The following TAF2 variants were observed in gnomAD, a reference collection of about 807,000 sequenced individuals.
TAF2 encodes the protein transcription initiation factor TFIID subunit 2.
TAF2 carries 61 observed loss-of-function variants against 138.5 expected under a neutral mutation model. The ratio of observed to expected loss-of-function variants is 0.44; its 90% CI spans 0.36 to 0.54. TAF2 has a LOEUF of 0.54. Among genes scored for constraint, TAF2 ranks in the 20% least tolerant of loss-of-function variants. The probability of loss-of-function intolerance (pLI) is 0.00; values close to 1 mark genes in which losing one functional copy is unlikely to be tolerated. For missense variants in TAF2, 1,090 were observed against 1,427.9 expected, an observed-to-expected ratio of 0.76 and a Z score of 3.81; for synonymous variants, 475 against 469.9, an observed-to-expected ratio of 1.01 and a Z score of -0.14.
At chr8:119,778,808 C>A (rs1398266429) in intron 17 of TAF2, among the ~76,000 whole-genome samples, 1 of 152,156 alleles carries the variant, frequency 6.6e-6, no homozygotes, top group African/African-American at 2.4e-5. Flanking sequence ...ACATGACTTA[C>A]ACACACTGGT....
At chr8:119,744,565 T>C (rs887120379) in intron 23 of TAF2, 172 bp from the exon 24 acceptor site, 4 of 636,844 alleles carry the variant, frequency 6.3e-6, no homozygotes, top group South Asian at 3.7e-5. Context: ...AAAGATTATG[T>C]GGTCCAGCCT....
chr8:119,815,367 T>C (rs1463559278), intron 3 of TAF2, among the ~76,000 whole-genome samples: 4 of 151,170 alleles, frequency 2.6e-5, no homozygotes, highest in African/African-American at 9.7e-5. Flanking sequence ...CTCCACCTCC[T>C]GGATTCACGC....
chr8:119,807,782 C>T (rs1009009094), intron 3 of TAF2, among the ~76,000 whole-genome samples: 2 of 151,970 alleles, frequency 1.3e-5, no homozygotes, highest in South Asian at 2.1e-4. Context: ...ATTAGCCAGG[C>T]GTGGTGGTGC....
intron 22 of TAF2, among the ~76,000 whole-genome samples, chr8:119,749,405 A>G (rs1820196836): frequency 6.6e-6 from 1 of 152,332 alleles, no homozygotes; most frequent in Non-Finnish European, 1.5e-5. Flanking sequence ...CAAGGGAGCT[A>G]AAAAATGAAT....
intron 18 of TAF2, among the ~76,000 whole-genome samples, chr8:119,771,055 A>G (rs886955881): frequency 6.6e-6 from 1 of 152,112 alleles, no homozygotes; most frequent in Non-Finnish European, 1.5e-5. Context: ...TGGGCGACAG[A>G]GCGAGACTCC....
chr8:119,806,678 G>A (rs1824680309), intron 3 of TAF2, among the ~76,000 whole-genome samples: 1 of 151,924 alleles, frequency 6.6e-6, no homozygotes, highest in Admixed American at 6.6e-5. Flanking sequence ...ATGTTGGTCA[G>A]GCTGGTCTCG....
intron 2 of TAF2, among the ~76,000 whole-genome samples, chr8:119,825,828 G>A (rs1381380028): frequency 2.0e-5 from 3 of 151,014 alleles, no homozygotes; most frequent in Non-Finnish European, 4.4e-5. Flanking sequence ...GGGACTACAG[G>A]TGCCCACCGC....
At chr8:119,807,722 A>G (rs1824762247) in intron 3 of TAF2, among the ~76,000 whole-genome samples, 1 of 152,202 alleles carries the variant, frequency 6.6e-6, no homozygotes, top group South Asian at 2.1e-4. Flanking sequence ...CCAGGAGTTC[A>G]AGTCCAGCCT....
chr8:119,821,860 G>T (rs1179976662), intron 2 of TAF2, among the ~76,000 whole-genome samples: 3 of 152,062 alleles, frequency 2.0e-5, no homozygotes, highest in African/African-American at 7.2e-5. Flanking sequence ...AACATAGCAA[G>T]ACCCTATCTG....
At chr8:119,752,021 G>A (rs1199387198) in intron 22 of TAF2, among the ~76,000 whole-genome samples, 1 of 152,072 alleles carries the variant, frequency 6.6e-6, no homozygotes, top group Non-Finnish European at 1.5e-5. Flanking sequence ...TATTTGGAAA[G>A]AGGGTAATGA....
intron 3 of TAF2, among the ~76,000 whole-genome samples, chr8:119,810,299 T>A (rs1400769386): frequency 1.3e-5 from 2 of 152,204 alleles, no homozygotes; most frequent in African/African-American, 4.8e-5. Context: ...TTTTTGAAAT[T>A]CATCCAAGTT....
intron 19 of TAF2, chr8:119,761,797 T>A: frequency 6.8e-6 from 1 of 146,284 alleles, no homozygotes; most frequent in Admixed American, 6.9e-5. Flanking sequence ...CGAAACTTGG[T>A]CTCAAAAAAA....
chr8:119,744,917 C>T, intron 23 of TAF2: 1 of 456,214 alleles, frequency 2.2e-6, no homozygotes, highest in Non-Finnish European at 4.4e-6. Context: ...TATCCTCATT[C>T]TTCTCCAGTA....
At chr8:119,796,692 T>C (rs1485648161) in intron 8 of TAF2, among the ~76,000 whole-genome samples, 4 of 152,270 alleles carry the variant, frequency 2.6e-5, no homozygotes, top group East Asian at 3.9e-4. Flanking sequence ...AGTGATTATA[T>C]TGATTTCACG....
intron 6 of TAF2, among the ~76,000 whole-genome samples, chr8:119,798,790 G>C (rs1042095846): frequency 2.6e-5 from 4 of 151,966 alleles, no homozygotes; most frequent in Admixed American, 1.3e-4. Flanking sequence ...CATTTAAAAA[G>C]AACAGATTAG....
intron 14 of TAF2, among the ~76,000 whole-genome samples, chr8:119,785,572 G>A (rs1822955639): frequency 6.6e-6 from 1 of 152,016 alleles, no homozygotes; most frequent in Non-Finnish European, 1.5e-5. Flanking sequence ...ATAGAAAAGG[G>A]GATATATCAA....
At chr8:119,739,095 A>G (rs1480750562) in intron 25 of TAF2, among the ~76,000 whole-genome samples, 1 of 151,372 alleles carries the variant, frequency 6.6e-6, no homozygotes, top group African/African-American at 2.4e-5. Flanking sequence ...ATAATACTGC[A>G]GCCCTAGCTA....
At position 119,781,004 on chromosome 8, in the gene TAF2, TAAACTG is replaced by T. The variant is rs149102136; in HGVS notation, c.2253+43_2253+48del. 1.6e-3 allele frequency: 2,569 copies of T among 1,570,540 alleles called. 34 individuals are homozygous for T. The African/African-American group carries it at 0.031, about 19-fold the overall frequency. On this transcript the variant is annotated intron_variant, in intron 17 of 25. Coordinates refer to ENST00000378164, the MANE Select transcript of TAF2 (RefSeq NM_003184.4). Reference sequence around the variant, plus strand: ...TCTATTATTTGAACAGTCTCCAACTTAAACTGAAATATATAAAAACCATGAGAAAAT... The same window carrying T: ...TCTATTATTTGAACAGTCTCCAACTTAAATATATAAAAACCATGAGAAAAT...
intron 3 of TAF2, among the ~76,000 whole-genome samples, chr8:119,811,673 G>C (rs1443217777): frequency 1.3e-5 from 2 of 151,510 alleles, no homozygotes; most frequent in African/African-American, 4.8e-5. Flanking sequence ...GGGCGTGGTG[G>C]TGGGCGCCTG....
Sources: gnomAD v4.1 joint callset for allele counts (sites outside exome capture counted in the v4.1 genomes callset) on GRCh38, gnomAD v4.1.1 for gene constraint, MANE v1.5 for transcripts, NCBI Gene and HGNC (gene_info 2026-07-23, HGNC 2026-07-21) for gene names.